Variants in HDGFL3 observed in about 807,000 individuals in gnomAD.
HDGFL3 encodes HDGF like 3.
In HDGFL3, 6 loss-of-function variants were observed where a neutral mutation model predicts 27.6. The observed-to-expected ratio is 0.22, with a 90% CI of 0.12 to 0.43. The LOEUF (loss-of-function observed/expected upper bound fraction) is 0.43. HDGFL3 is among the 20% of genes least tolerant of loss of function. HDGFL3 has a pLI of 1.00. For synonymous variants in HDGFL3, 88 were observed against 88.9 expected, an observed-to-expected ratio of 0.99 and a Z score of 0.05; for missense variants, 207 against 250.1, an observed-to-expected ratio of 0.83 and a Z score of 1.16.
intron 5 of HDGFL3, among the ~76,000 whole-genome samples, chr15:83,150,121 A>G (rs961374439): frequency 6.6e-6 from 1 of 152,154 alleles, no homozygotes; most frequent in Non-Finnish European, 1.5e-5. Flanking sequence ...CATTCTGAGT[A>G]TTAAGGGGGT....
intron 3 of HDGFL3, among the ~76,000 whole-genome samples, chr15:83,116,536 G>T (rs1417937233): frequency 6.6e-6 from 1 of 152,250 alleles, no homozygotes; most frequent in Non-Finnish European, 1.5e-5. Context: ...TCCATGTTCA[G>T]ATAATGGGGA....
chr15:83,154,689 T>C (rs182425957), intron 4 of HDGFL3, among the ~76,000 whole-genome samples: 32 of 152,304 alleles, frequency 2.1e-4, no homozygotes, highest in African/African-American at 7.7e-4. Context: ...TCAAGAATGA[T>C]AGTAAAAGTG....
At chr15:83,189,015 C>T (rs1488835932) in intron 1 of HDGFL3, among the ~76,000 whole-genome samples, 1 of 152,126 alleles carries the variant, frequency 6.6e-6, no homozygotes, top group Non-Finnish European at 1.5e-5. Context: ...TATTCCTCCC[C>T]CTCACAGACA....
intron 4 of HDGFL3, among the ~76,000 whole-genome samples, chr15:83,156,553 C>A (rs568222200): frequency 6.6e-6 from 1 of 152,126 alleles, no homozygotes; most frequent in East Asian, 1.9e-4. Flanking sequence ...AAAAATATAT[C>A]TTTTTACAGT....
chr15:83,158,247 G>A (rs537798757), intron 2 of HDGFL3, among the ~76,000 whole-genome samples: 1 of 152,278 alleles, frequency 6.6e-6, no homozygotes, highest in South Asian at 2.1e-4. Flanking sequence ...ATACAAGCCA[G>A]CCACCTGGAT....
intron 2 of HDGFL3, chr15:83,163,683 G>C: frequency 4.2e-6 from 1 of 236,238 alleles, no homozygotes; most frequent in African/African-American, 2.3e-5. Context: ...AAATATATAA[G>C]AGCAATAGAA....
intron 1 of HDGFL3, among the ~76,000 whole-genome samples, chr15:83,199,361 G>T (rs1031625284): frequency 6.6e-6 from 1 of 152,138 alleles, no homozygotes. Flanking sequence ...CTGAAGTTGA[G>T]TTTATTTTCT....
At chr15:83,151,515 G>C (rs547194647) in intron 4 of HDGFL3, among the ~76,000 whole-genome samples, 154 bp from the exon 5 acceptor site, 23 of 152,208 alleles carry the variant, frequency 1.5e-4, no homozygotes, top group Non-Finnish European at 2.9e-4. Context: ...GCTGAGCTAG[G>C]TGACATTGGA....
intron 1 of HDGFL3, among the ~76,000 whole-genome samples, chr15:83,173,444 A>G (rs2037270799): frequency 6.6e-6 from 1 of 152,164 alleles, no homozygotes; most frequent in Non-Finnish European, 1.5e-5. Flanking sequence ...TTTTGACCTA[A>G]AATACTTTCA....
At chr15:83,114,955 T>A (rs965928546) in exon 4 of HDGFL3, 7 of 152,274 alleles carry the variant, frequency 4.6e-5, no homozygotes, top group African/African-American at 1.4e-4. Context: ...CCTCTTGTAT[T>A]CATTTTTAAC....
At chr15:83,188,493 G>A (rs191155604) in intron 1 of HDGFL3, among the ~76,000 whole-genome samples, 133 of 152,208 alleles carry the variant, frequency 8.7e-4, no homozygotes, top group African/African-American at 3.0e-3. Context: ...CAGATGATCC[G>A]CCTACCTTGG....
intron 4 of HDGFL3, among the ~76,000 whole-genome samples, chr15:83,152,729 G>A (rs1380856160): frequency 6.6e-6 from 1 of 150,530 alleles, no homozygotes; most frequent in Non-Finnish European, 1.5e-5. Flanking sequence ...CTCTAGCTGT[G>A]TGGCAGAATA....
rs535970950 is a variant in HDGFL3 at position 83,199,636 on chromosome 15, G to A, written c.84+7695C>T. Reference sequence around the variant, plus strand: ...GACTTAGAGAATCTATTCAGAATATGAGTTTCAATGATCAAATGAGAAGAA... The same window carrying A: ...GACTTAGAGAATCTATTCAGAATATAAGTTTCAATGATCAAATGAGAAGAA... On this transcript the variant is annotated intron_variant, in intron 1 of 5. Coordinates refer to ENST00000299633, the MANE Select transcript of HDGFL3 (RefSeq NM_016073.4). Among the ~76,000 whole-genome samples the A allele has an allele frequency of 2.6e-5, 4 of 152,272 alleles. No homozygotes were observed. In the South Asian group the frequency reaches 8.3e-4, roughly 32 times the overall value.
chr15:83,198,953 G>A (rs1186283118), intron 1 of HDGFL3, among the ~76,000 whole-genome samples: 6 of 152,150 alleles, frequency 3.9e-5, no homozygotes. Context: ...GTGTGTGTGT[G>A]CATGCATGTG....
At chr15:83,158,083 C>T in intron 2 of HDGFL3, 42 bp from the exon 3 acceptor site, 1 of 1,532,640 alleles carries the variant, frequency 6.5e-7, no homozygotes, top group African/African-American at 1.4e-5. Flanking sequence ...CACTGACCTT[C>T]AAAGGTAAGA....
At chr15:83,151,418 G>A in intron 4 of HDGFL3, 57 bp from the exon 5 acceptor site, 3 of 1,448,910 alleles carry the variant, frequency 2.1e-6, no homozygotes, top group Non-Finnish European at 2.8e-6. Context: ...AAATGTACAA[G>A]TAAGAGATGC....
At chr15:83,187,221 G>A (rs572550453) in intron 1 of HDGFL3, among the ~76,000 whole-genome samples, 1 of 150,762 alleles carries the variant, frequency 6.6e-6, no homozygotes, top group East Asian at 1.9e-4. Context: ...GAGGCTTACC[G>A]CTAAATCTTC....
intron 4 of HDGFL3, 124 bp from the exon 5 acceptor site, chr15:83,151,485 A>C (rs1015373019): frequency 2.7e-6 from 2 of 746,134 alleles, no homozygotes; most frequent in Admixed American, 6.3e-5. Flanking sequence ...ATATACTGAC[A>C]CAACATGTAG....
At chr15:83,127,311 A>C (rs768285886), downstream of HDGFL3, 34 of 1,531,292 alleles carry the variant, frequency 2.2e-5, no homozygotes, top group Non-Finnish European at 3.0e-5. Context: ...AGTCAGGCCA[A>C]GTTAACTGCC....
Sources: allele counts gnomAD v4.1 joint callset (sites outside exome capture counted in the v4.1 genomes callset), GRCh38; gene constraint gnomAD v4.1.1; transcripts MANE v1.5; gene names NCBI Gene and HGNC (gene_info 2026-07-23, HGNC 2026-07-21).